Variants in NPLOC4 observed in about 807,000 individuals in gnomAD.
The protein encoded by NPLOC4 is nuclear protein localization protein 4 homolog.
Under a neutral mutation model 80.6 loss-of-function variants are expected in NPLOC4, and 18 were observed. That is an observed-to-expected ratio of 0.22 (90% CI 0.15 to 0.33). The LOEUF is 0.33. NPLOC4 is among the 10% of genes least tolerant of loss of function. NPLOC4 has a pLI of 1.00. For synonymous variants in NPLOC4, 313 were observed against 301.5 expected (o/e 1.04, Z -0.39); for missense variants, 540 against 786.1 (o/e 0.69, Z 3.74).
At position 81,631,455 on chromosome 17, in the gene NPLOC4, T is replaced by A. The variant is rs1428414269; in HGVS notation, c.16-1650A>T. On this transcript the variant is annotated intron_variant, in intron 1 of 16. Coordinates refer to ENST00000331134, the MANE Select transcript of NPLOC4 (RefSeq NM_017921.4). ...ATATATATTTTTTTTTTTTTTTTTT[T>A]TTTTTTTCCCCCACGGCAAGCCTAA... is the stretch of plus-strand genomic sequence containing the variant. 3.3e-3 allele frequency among the ~76,000 whole-genome samples: 243 copies of A among 74,710 alleles called. 2 individuals are homozygous for A. Among genetic ancestry groups the A allele is most frequent in the Middle Eastern group, 0.02 (3 of 152 alleles). 49.0% of individuals were successfully genotyped at this position (74,710 alleles called of 152,430 possible).
At chr17:81,598,827 C>T (rs1484740483) in intron 9 of NPLOC4, among the ~76,000 whole-genome samples, 1 of 152,188 alleles carries the variant, frequency 6.6e-6, no homozygotes, top group Non-Finnish European at 1.5e-5. Context: ...TCCCATCCAC[C>T]CCCAGCAGAC....
chr17:81,584,201 T>C (rs947625799), intron 12 of NPLOC4, among the ~76,000 whole-genome samples: 3 of 152,234 alleles, frequency 2.0e-5, no homozygotes, highest in African/African-American at 2.4e-5. Context: ...GCTTTTACAG[T>C]TCTCTTTGCT....
At chr17:81,588,296 C>T (rs554037165) in intron 12 of NPLOC4, 3 of 152,346 alleles carry the variant, frequency 2.0e-5, no homozygotes, top group East Asian at 3.9e-4. Flanking sequence ...AAAGAGAAAA[C>T]ATTGAGTAGC....
At chr17:81,613,202 G>A in intron 4 of NPLOC4, 116 bp downstream of exon 4, 2 of 834,220 alleles carry the variant, frequency 2.4e-6, no homozygotes, top group Non-Finnish European at 1.7e-6. Flanking sequence ...TAAAACTTAA[G>A]ACTTAACATT....
At chr17:81,559,622 G>A (rs946612049) in intron 16 of NPLOC4, among the ~76,000 whole-genome samples, 1 of 152,148 alleles carries the variant, frequency 6.6e-6, no homozygotes, top group East Asian at 1.9e-4. Flanking sequence ...GCACCACAGG[G>A]AGTAACAGGG....
intron 8 of NPLOC4, among the ~76,000 whole-genome samples, chr17:81,603,474 T>C (rs2035120289): frequency 6.6e-6 from 1 of 152,002 alleles, no homozygotes. Flanking sequence ...CATGCACCTG[T>C]AGTCCCAGCT....
At chr17:81,576,080 C>T (rs949584914) in intron 12 of NPLOC4, among the ~76,000 whole-genome samples, 1 of 152,100 alleles carries the variant, frequency 6.6e-6, no homozygotes, top group African/African-American at 2.4e-5. Flanking sequence ...GCACAGAGGA[C>T]GATGACCAGA....
At chr17:81,613,251 A>C in intron 4 of NPLOC4, 67 bp downstream of exon 4, 1 of 1,392,500 alleles carries the variant, frequency 7.2e-7, no homozygotes. Context: ...CATGTTATAA[A>C]TATTTCCCTT....
At chr17:81,636,144 T>C (rs1568174701) in intron 1 of NPLOC4, among the ~76,000 whole-genome samples, 1 of 152,058 alleles carries the variant, frequency 6.6e-6, no homozygotes, top group Non-Finnish European at 1.5e-5. Flanking sequence ...TAATTTTTTG[T>C]ATTTTTAGTA....
At chr17:81,594,717 G>A (rs2034848850) in intron 11 of NPLOC4, among the ~76,000 whole-genome samples, 1 of 152,138 alleles carries the variant, frequency 6.6e-6, no homozygotes, top group Non-Finnish European at 1.5e-5. Flanking sequence ...GGAACCTGCA[G>A]GGAGCCGAGA....
intron 10 of NPLOC4, 133 bp downstream of exon 10, chr17:81,597,112 C>A (rs927464364): frequency 3.1e-6 from 2 of 649,638 alleles, no homozygotes; most frequent in South Asian, 1.9e-5. Flanking sequence ...GACTCCGTCT[C>A]AAAAAATACA....
At chr17:81,620,602 G>T (rs913651721) in intron 3 of NPLOC4, among the ~76,000 whole-genome samples, 2 of 152,184 alleles carry the variant, frequency 1.3e-5, no homozygotes, top group Non-Finnish European at 2.9e-5. Flanking sequence ...GCTTGCAATG[G>T]TGACACATAA....
chr17:81,629,309 A>G (rs2035874453), intron 2 of NPLOC4, among the ~76,000 whole-genome samples: 1 of 148,614 alleles, frequency 6.7e-6, no homozygotes, highest in African/African-American at 2.5e-5. Flanking sequence ...CTCTTGCCTC[A>G]GCTTCCCAAG....
At chr17:81,631,462 TC>T (rs79975064) in intron 1 of NPLOC4, among the ~76,000 whole-genome samples, 10,142 of 122,346 alleles carry the variant, frequency 0.083, 867 homozygotes, top group Non-Finnish European at 0.13. Flanking sequence ...TTTTTTTTTT[TC>T]CCCCACGGCA....
At position 81,606,715 on chromosome 17, in the gene NPLOC4, C is replaced by G. The variant is rs763082172; in HGVS notation, c.630G>C (p.Pro210=). 6.2e-7 allele frequency: 1 copy of G among 1,613,430 alleles called. No individual in the cohort carries two copies. The highest frequency in any genetic ancestry group is 8.5e-7 in the Non-Finnish European group (1 of 1,179,768). Residue 210 remains proline, a synonymous_variant, in exon 7 of 17, where the codon CCG becomes CCC. Coordinates refer to ENST00000331134, the MANE Select transcript of NPLOC4 (RefSeq NM_017921.4). ...WPNGICTKCQ[P]SAITLNRQKY... is the part of the protein sequence containing the mutation. ...CCTGTCTGTTCAGCGTGATGGCGCTCGGCTGGCACTTAGTACAGATGCCAT... is the reference window on the plus strand; with the variant it reads ...CCTGTCTGTTCAGCGTGATGGCGCTGGGCTGGCACTTAGTACAGATGCCAT...
At position 81,580,739 on chromosome 17, in the gene NPLOC4, C is replaced by T. The variant is rs2034416010; in HGVS notation, c.1281+8205G>A. Among the ~76,000 whole-genome samples the T allele has an allele frequency of 6.6e-6, 1 of 152,248 alleles. No individual in the cohort carries two copies. Among genetic ancestry groups the T allele is most frequent in the African/African-American group, 2.4e-5 (1 of 41,468 alleles). Reference sequence around the variant, plus strand: ...CAGCAGTCTCCCCGATGCAGGGAGCCCTTCTCCATTCTCCATGAACTCCAG... The same window carrying T: ...CAGCAGTCTCCCCGATGCAGGGAGCTCTTCTCCATTCTCCATGAACTCCAG... On this transcript the variant is annotated intron_variant, in intron 12 of 16. Transcript: ENST00000331134. The surrounding 1 kb of genome is among the most constrained non-coding windows in gnomAD (Gnocchi z 4.4).
rs11541223 is a variant in NPLOC4 at position 81,604,611 on chromosome 17, C to A, written c.771G>T (p.Thr257=). The change falls in exon 8 of 17, where the codon ACG becomes ACT. Residue 257 remains threonine (T), a synonymous_variant. Coordinates refer to ENST00000331134, the MANE Select transcript of NPLOC4 (RefSeq NM_017921.4). The part of the protein sequence containing the change: ...QHFGYLYGRY[T]EHKDIPLGIR... Reference sequence around the variant, plus strand: ...TGCCAAGGGGAATGTCTTTGTGCTCCGTGTACCGTCCGTATAAGTACCCAA... The same window carrying A: ...TGCCAAGGGGAATGTCTTTGTGCTCAGTGTACCGTCCGTATAAGTACCCAA... The A allele has an allele frequency of 6.2e-7, 1 of 1,613,560 alleles. No individual in the cohort carries two copies. Among genetic ancestry groups the A allele is most frequent in the Admixed American group, 1.7e-5 (1 of 59,914 alleles).
intron 1 of NPLOC4, 128 bp downstream of exon 1, chr17:81,636,788 A>C (rs1418012124): frequency 1.9e-6 from 2 of 1,033,350 alleles, no homozygotes; most frequent in African/African-American, 1.7e-5. Flanking sequence ...CTACAGAGAA[A>C]GCCCTGGCGA....
intron 2 of NPLOC4, among the ~76,000 whole-genome samples, chr17:81,623,287 T>C (rs146022607): frequency 0.085 from 12,064 of 142,522 alleles, 553 homozygotes; most frequent in Middle Eastern, 0.21. Flanking sequence ...CTGGTCAACA[T>C]AGTGAAACCG....
Sources: allele counts gnomAD v4.1 joint callset (sites outside exome capture counted in the v4.1 genomes callset), GRCh38; gene constraint gnomAD v4.1.1; non-coding constraint Gnocchi (gnomAD v3.1); transcripts MANE v1.5; gene names NCBI Gene and HGNC (gene_info 2026-07-23, HGNC 2026-07-21).